RFPL3: variants seen among roughly 807,000 people sequenced by gnomAD.
RFPL3 encodes the protein ret finger protein-like 3.
RFPL3 carries 8 observed loss-of-function variants against 8.7 expected under a neutral mutation model. The ratio of observed to expected loss-of-function variants is 0.92; its 90% CI spans 0.54 to 1.66. The LOEUF is 1.66. Among genes scored for constraint, RFPL3 ranks in the 40% most tolerant of loss-of-function variants. The pLI, the probability that RFPL3 is intolerant of heterozygous loss-of-function variation, is 0.00. For missense variants in RFPL3, 341 were observed against 395.0 expected (o/e 0.86, Z 1.16); for synonymous variants, 145 against 150.5 (o/e 0.96, Z 0.27).
At chr22:32,357,472 C>CTT (rs3070381), upstream of RFPL3, among the ~76,000 whole-genome samples, 15 of 145,156 alleles carry the variant, frequency 1.0e-4, no homozygotes, top group African/African-American at 1.8e-4. Flanking sequence ...ATCCAGCCCC[C>CTT]TTTTTTTTTT....
rs1174617965 is a variant in RFPL3, at chr22:32,358,030, T to G, written c.-42T>G. 5.0e-6 allele frequency: 8 copies of G among 1,591,394 alleles called. No homozygotes were observed. The highest frequency in any genetic ancestry group is 5.1e-6 in the Non-Finnish European group (6 of 1,168,214). On this transcript the variant is annotated 5_prime_UTR_variant, in exon 1 of 2. Coordinates refer to ENST00000249007, the MANE Select transcript of RFPL3 (RefSeq NM_001098535.1). ...TGCTTGAGTGTTTGTACTCATGGTC[T>G]TGTTCTCGGAGTGACAAAGCTGGAA...
intron 1 of RFPL3, among the ~76,000 whole-genome samples, chr22:32,359,109 A>G (rs1318986007): frequency 6.6e-6 from 1 of 152,174 alleles, no homozygotes; most frequent in African/African-American, 2.4e-5. Flanking sequence ...AAAGAATTAC[A>G]CCTATAAATG....
chr22:32,359,108 C>A (rs887464192), intron 1 of RFPL3, among the ~76,000 whole-genome samples: 3 of 152,186 alleles, frequency 2.0e-5, no homozygotes, highest in Non-Finnish European at 4.4e-5. Flanking sequence ...CAAAGAATTA[C>A]ACCTATAAAT....
chr22:32,360,835 C>T lies in RFPL3; in HGVS notation c.*3C>T, dbSNP rs113576289. 193 of 1,501,058 alleles carry T rather than the reference C, an allele frequency of 1.3e-4. 2 individuals carry two copies. The South Asian group carries it at 2.3e-3, about 18-fold the overall frequency. The allele number at this position is 1,501,058 out of a possible 1,614,324, so 93.0% of individuals were successfully genotyped here. A position where few individuals can be genotyped will look rare whatever the true frequency, so the allele number is the denominator to read the frequency against. On this transcript the variant is annotated 3_prime_UTR_variant, in exon 2 of 2. Transcript: ENST00000249007. ...TCCGTCCTGGGGAGGCCAAATAAGC[C>T]GCCACTGCAAAAAAAAACAGGGTCA... is the stretch of plus-strand genomic sequence containing the variant.
At chr22:32,355,321 G>A (rs1189577810), upstream of RFPL3, among the ~76,000 whole-genome samples, 1 of 152,026 alleles carries the variant, frequency 6.6e-6, no homozygotes, top group Non-Finnish European at 1.5e-5. Context: ...GCATAACCTC[G>A]GTAAGGGGAA....
In RFPL3 at chr22:32,359,897, C is replaced by A. The variant is rs191299198; in HGVS notation, c.374-355C>A. ...GAAGCAGAAACATATTTAATATTGA[C>A]CACTTGCATTGTCTTAATTATCATT... is the stretch of plus-strand genomic sequence containing the variant. On this transcript the variant is annotated intron_variant, in intron 1 of 1. Transcript: ENST00000249007. 7.8e-5 allele frequency: 20 copies of A among 257,040 alleles called. No individual in the cohort carries two copies. In the East Asian group the frequency reaches 1.5e-3, roughly 20 times the overall value. The allele number at this position is 257,040 out of a possible 1,614,324, so 15.9% of individuals were successfully genotyped here.
chr22:32,360,256 T>C lies in RFPL3; in HGVS notation c.378T>C (p.Asp126=). The stretch of plus-strand genomic sequence containing the variant: ...AACTTGTTTTCCTTTTCACAGTGGA[T>C]ATGACCTTGGATGCCGACACAGCCA... ...MNPRMRKFQV[D]MTLDADTANN... is the part of the protein sequence containing the mutation. Residue 126 remains aspartate (D), a synonymous_variant, in exon 2 of 2, where the codon GAT becomes GAC. Transcript: ENST00000249007. 1 of 1,612,676 alleles carries C rather than the reference T, an allele frequency of 6.2e-7. No individual in the cohort carries two copies. The highest frequency in any genetic ancestry group is 2.2e-5 in the East Asian group (1 of 44,854).
At position 32,358,087 on chromosome 22, in the gene RFPL3, C is replaced by T; in HGVS notation, c.16C>T (p.Leu6Phe). ...ACCTCTATGCATGAAAAGGTTGTCA[C>T]TTGTCACAACTAACAGGCTTTCACC... MKRLS[L>F]VTTNRLSPQG... Residue 6 changes from leucine to phenylalanine, a missense_variant, in exon 1 of 2, where the codon CTT (leucine) becomes TTT (phenylalanine). Physicochemically the swap from Leu to Phe is conservative, Grantham distance 22. Coordinates refer to ENST00000249007, the MANE Select transcript of RFPL3 (RefSeq NM_001098535.1). The T allele has an allele frequency of 6.2e-7, 1 of 1,613,386 alleles. No homozygotes were observed. Among genetic ancestry groups the T allele is most frequent in the Non-Finnish European group, 8.5e-7 (1 of 1,179,430 alleles).
chr22:32,359,524 GCCTTAAATTATTGA>G (rs1010838678), intron 1 of RFPL3, among the ~76,000 whole-genome samples: 2 of 151,966 alleles, frequency 1.3e-5, no homozygotes, highest in Non-Finnish European at 2.9e-5. Context: ...CATACCCAAT[GCCTTAAATTATTGA>G]CCTTTGTATT....
intron 1 of RFPL3, chr22:32,359,765 G>C (rs2145869672): frequency 6.4e-6 from 1 of 156,868 alleles, no homozygotes; most frequent in East Asian, 1.9e-4. Flanking sequence ...CAGCTGCAGA[G>C]ATACCCTATC....
At position 32,358,284 on chromosome 22, in the gene RFPL3, C is replaced by T. The variant is rs1400751463; in HGVS notation, c.213C>T (p.Pro71=). The change falls in exon 1 of 2, where the codon CCC becomes CCT. Residue 71 remains proline (P), a synonymous_variant. Coordinates refer to ENST00000249007, the MANE Select transcript of RFPL3 (RefSeq NM_001098535.1). The stretch of plus-strand genomic sequence containing the variant: ...GCATCAATTCGCTGCAGAAGGAGCC[C>T]CATGGGGAGGATCTGCTTTGCTGTT... ...LKCINSLQKE[P]HGEDLLCCCC... 6.2e-7 allele frequency: 1 copy of T among 1,613,944 alleles called. No individual in the cohort carries two copies. The highest frequency in any genetic ancestry group is 1.1e-5 in the South Asian group (1 of 91,068).
At chr22:32,357,156 CTG>C (rs938682168), upstream of RFPL3, among the ~76,000 whole-genome samples, 12 of 152,198 alleles carry the variant, frequency 7.9e-5, no homozygotes, top group African/African-American at 2.9e-4. Flanking sequence ...AAACAACTCT[CTG>C]TCATTCAGGG....
upstream of RFPL3, chr22:32,357,755 T>A (rs2899184): frequency 0.063 from 51,690 of 817,356 alleles, 3,299 homozygotes; most frequent in East Asian, 0.44. Context: ...GCATGAGCCA[T>A]CGTGCCCAGC....
upstream of RFPL3, among the ~76,000 whole-genome samples, chr22:32,357,200 G>A (rs1932696186): frequency 6.6e-6 from 1 of 152,176 alleles, no homozygotes; most frequent in African/African-American, 2.4e-5. Context: ...CCCACCAGTG[G>A]TGGCAGTTAA....
In RFPL3 at chr22:32,358,356, G is replaced by A. The variant is rs1325694102; in HGVS notation, c.285G>A (p.Gln95=). Residue 95 remains glutamine (Q), a synonymous_variant, in exon 1 of 2, where the codon CAG becomes CAA. Transcript: ENST00000249007. ...SQRNKIRPNR[Q]LERLVSHIKE... is the part of the protein sequence containing the mutation. ...GGAACAAAATCAGGCCCAATCGGCAGCTAGAGAGGCTGGTTTCCCACATCA... is the reference window on the plus strand; with the variant it reads ...GGAACAAAATCAGGCCCAATCGGCAACTAGAGAGGCTGGTTTCCCACATCA... The A allele has an allele frequency of 1.9e-6, 3 of 1,614,168 alleles. No individual in the cohort carries two copies. The highest frequency in any genetic ancestry group is 8.5e-7 in the Non-Finnish European group (1 of 1,180,046).
In RFPL3 at chr22:32,358,880, C is replaced by A. The variant is rs1225227873; in HGVS notation, c.373+436C>A. Among the ~76,000 whole-genome samples, 5 of 152,184 alleles carry A rather than the reference C, an allele frequency of 3.3e-5. 1 individual carries two copies. The highest frequency in any genetic ancestry group is 3.3e-4 in the Admixed American group (5 of 15,276). Reference sequence around the variant, plus strand: ...ATTTCTAATGCACAGTGAATATTGGCACCCATTGTACCAAACAACCTCACC... The same window carrying A: ...ATTTCTAATGCACAGTGAATATTGGAACCCATTGTACCAAACAACCTCACC... On this transcript the variant is annotated intron_variant, in intron 1 of 1. Coordinates refer to ENST00000249007, the MANE Select transcript of RFPL3 (RefSeq NM_001098535.1).
chr22:32,358,471 T>C, intron 1 of RFPL3, 27 bp downstream of exon 1: 1 of 1,591,550 alleles, frequency 6.3e-7, no homozygotes, highest in Non-Finnish European at 8.6e-7. Context: ...CCCTGCCCCC[T>C]TCCCAAGACC....
rs757047823 is a variant in RFPL3 at position 32,360,541 on chromosome 22, G to A, written c.663G>A (p.Arg221=). Residue 221 remains arginine (R), a synonymous_variant, in exon 2 of 2, where the codon AGG becomes AGA. Coordinates refer to ENST00000249007, the MANE Select transcript of RFPL3 (RefSeq NM_001098535.1). ...TELGFWTVSL[R]DGSRLSASTV... ...TTGGATTCTGGACTGTGAGTTTGAG[G>A]GATGGAAGCCGCCTCTCTGCCAGCA... 1.2e-6 allele frequency: 2 copies of A among 1,613,836 alleles called. No homozygotes were observed. Among genetic ancestry groups the A allele is most frequent in the Admixed American group, 1.7e-5 (1 of 59,994 alleles).
rs374285144 is a variant in RFPL3, at chr22:32,360,516, T to G, written c.638T>G (p.Leu213Arg). Residue 213 changes from leucine (L) to arginine (R), a missense_variant, in exon 2 of 2, where the codon CTT (leucine) becomes CGT (arginine). Leu to Arg is a moderately radical substitution (Grantham distance 102). Coordinates refer to ENST00000249007, the MANE Select transcript of RFPL3 (RefSeq NM_001098535.1). ...GGGAAGATCCAGCTGACCACAGAGCTTGGATTCTGGACTGTGAGTTTGAGG... is the reference window on the plus strand; with the variant it reads ...GGGAAGATCCAGCTGACCACAGAGCGTGGATTCTGGACTGTGAGTTTGAGG... ...CKGKIQLTTE[L>R]GFWTVSLRDG... The G allele has an allele frequency of 4.0e-5, 64 of 1,613,780 alleles. 2 individuals are homozygous for G. The South Asian group carries it at 4.1e-4, about 10-fold the overall frequency.
Sources: allele counts gnomAD v4.1 joint callset (sites outside exome capture counted in the v4.1 genomes callset), GRCh38; gene constraint gnomAD v4.1.1; transcripts MANE v1.5; gene names NCBI Gene and HGNC (gene_info 2026-07-23, HGNC 2026-07-21).